The following CCDC102B variants were observed in gnomAD, a reference collection of about 807,000 sequenced individuals.
CCDC102B encodes the protein coiled-coil domain-containing protein 102B.
In CCDC102B, 75 loss-of-function variants were observed where a neutral mutation model predicts 57.4. The ratio of observed to expected loss-of-function variants is 1.31; its 90% CI spans 1.08 to 1.58. The LOEUF (loss-of-function observed/expected upper bound fraction) is 1.58. CCDC102B is among the 40% of genes most tolerant of loss of function. The pLI is 0.00. For missense variants in CCDC102B, 636 were observed against 582.6 expected, an observed-to-expected ratio of 1.09 and a Z score of -0.94; for synonymous variants, 206 against 201.9, an observed-to-expected ratio of 1.02 and a Z score of -0.17.
At position 68,954,364 on chromosome 18, in the gene CCDC102B, G is replaced by A. The variant is rs541750103; in HGVS notation, c.1264-56570G>A. On this transcript the variant is annotated intron_variant, in intron 6 of 7. Transcript: ENST00000360242. ...GAACCAGAGAGGCAGAGGTTGTAGT[G>A]AGCCGAGATCATGCCACTGCGCTCC... Among the ~76,000 whole-genome samples the A allele has an allele frequency of 1.9e-4, 29 of 152,284 alleles. No individual in the cohort carries two copies. In the South Asian group the frequency reaches 5.6e-3, roughly 29 times the overall value.
chr18:68,933,193 G>T (rs2041736637), intron 6 of CCDC102B, among the ~76,000 whole-genome samples: 1 of 151,812 alleles, frequency 6.6e-6, no homozygotes, highest in South Asian at 2.1e-4. Flanking sequence ...TTTGTTAGTG[G>T]AGAATTGGGT....
At position 68,836,950 on chromosome 18, in the gene CCDC102B, A is replaced by G; in HGVS notation, c.187A>G (p.Asn63Asp). The G allele has an allele frequency of 1.2e-6, 2 of 1,614,142 alleles. No individual in the cohort carries two copies. The highest frequency in any genetic ancestry group is 1.3e-5 in the African/African-American group (1 of 75,032). Residue 63 changes from asparagine (N) to aspartate (D), a missense_variant, in exon 2 of 8, where the codon AAC becomes GAC. By Grantham distance (23) the Asn-to-Asp change is conservative. Transcript: ENST00000360242. Reference protein sequence around the residue: ...AAHNFCAHSYNTNKWDICEEL... With the variant: ...AAHNFCAHSYDTNKWDICEEL... ...TCACAATTTCTGTGCTCACTCATAT[A>G]ACACCAACAAATGGGATATTTGTGA...
intron 6 of CCDC102B, among the ~76,000 whole-genome samples, chr18:68,975,904 A>G (rs1323116093): frequency 1.3e-5 from 2 of 151,734 alleles, no homozygotes; most frequent in African/African-American, 4.8e-5. Context: ...CATAGTCACA[A>G]TCAATATTTT....
At chr18:68,755,131 T>A (rs1342352599) in intron 2 of CCDC102B, 2 of 152,230 alleles carry the variant, frequency 1.3e-5, no homozygotes, top group African/African-American at 4.8e-5. Context: ...GTAACTTGCA[T>A]AGTTGGCATT....
chr18:68,723,701 T>C (rs988025053), intron 2 of CCDC102B, among the ~76,000 whole-genome samples: 4 of 152,324 alleles, frequency 2.6e-5, no homozygotes, highest in South Asian at 2.1e-4. Context: ...ACAGCTCCAC[T>C]CCTGTGGCTT....
chr18:68,930,663 G>C (rs1405123960), intron 6 of CCDC102B, among the ~76,000 whole-genome samples: 2 of 151,914 alleles, frequency 1.3e-5, no homozygotes, highest in Non-Finnish European at 2.9e-5. Context: ...TGGTCTACGT[G>C]CTATAACTGA....
At chr18:69,011,886 AT>A (rs1239046618) in intron 7 of CCDC102B, among the ~76,000 whole-genome samples, 2 of 152,040 alleles carry the variant, frequency 1.3e-5, no homozygotes, top group East Asian at 3.9e-4. Flanking sequence ...CAGCTGAATT[AT>A]TTTTCCATGG....
At chr18:68,749,925 C>G (rs759748440) in intron 2 of CCDC102B, among the ~76,000 whole-genome samples, 1 of 152,102 alleles carries the variant, frequency 6.6e-6, no homozygotes, top group South Asian at 2.1e-4. Context: ...CCAAAATTGA[C>G]AAGTGGGATC....
rs185829743 is a variant in CCDC102B at position 68,833,860 on chromosome 18, A to T, written c.-15-2889A>T. Reference sequence around the variant, plus strand: ...ATCATGGTGGCCTGATTGTATGAGCATTTTTACAATGCAAAAATCGGTACA... The same window carrying T: ...ATCATGGTGGCCTGATTGTATGAGCTTTTTTACAATGCAAAAATCGGTACA... On this transcript the variant is annotated intron_variant, in intron 1 of 7. Transcript: ENST00000360242. Among the ~76,000 whole-genome samples the T allele has an allele frequency of 4.1e-4, 62 of 152,260 alleles. No individual in the cohort carries two copies. In the East Asian group the frequency reaches 9.6e-3, roughly 24 times the overall value.
intron 7 of CCDC102B, among the ~76,000 whole-genome samples, chr18:69,041,023 G>T (rs2052420686): frequency 6.6e-6 from 1 of 152,002 alleles, no homozygotes; most frequent in Admixed American, 6.6e-5. Context: ...GAGAGAAGTA[G>T]GCTAGAGTGT....
At position 68,876,932 on chromosome 18, in the gene CCDC102B, A is replaced by G. The variant is rs17079832; in HGVS notation, c.1053+2147A>G. 9.8e-3 allele frequency among the ~76,000 whole-genome samples: 1,497 copies of G among 152,338 alleles called. 24 individuals are homozygous for G. The highest frequency in any genetic ancestry group is 0.034 in the African/African-American group (1,416 of 41,580). ...AGAATAAAACTGTTACTTATTCTGCATTTATAGAAATCTGATAAATAGAAA... is the reference window on the plus strand; with the variant it reads ...AGAATAAAACTGTTACTTATTCTGCGTTTATAGAAATCTGATAAATAGAAA... On this transcript the variant is annotated intron_variant, in intron 5 of 7. Coordinates refer to ENST00000360242, the MANE Select transcript of CCDC102B (RefSeq NM_024781.3).
chr18:68,756,804 A>G (rs2034066117), intron 2 of CCDC102B, among the ~76,000 whole-genome samples: 1 of 152,164 alleles, frequency 6.6e-6, no homozygotes. Flanking sequence ...TTTCTAGGCC[A>G]AGTTATGTGC....
At chr18:68,730,598 T>A (rs944519653) in intron 2 of CCDC102B, among the ~76,000 whole-genome samples, 1 of 152,224 alleles carries the variant, frequency 6.6e-6, no homozygotes, top group Non-Finnish European at 1.5e-5. Flanking sequence ...AGAACACTTA[T>A]GATCTGTTAT....
chr18:69,046,318 T>C (rs749717227), intron 7 of CCDC102B, among the ~76,000 whole-genome samples: 2 of 152,198 alleles, frequency 1.3e-5, no homozygotes, highest in Non-Finnish European at 2.9e-5. Flanking sequence ...TGGTATCTCA[T>C]TGTGGTTTTT....
At chr18:68,822,774 G>A (rs557414877) in intron 1 of CCDC102B, among the ~76,000 whole-genome samples, 21 of 152,124 alleles carry the variant, frequency 1.4e-4, no homozygotes, top group South Asian at 4.1e-4. Flanking sequence ...TATGGCCTCC[G>A]GCTCCATCCA....
chr18:68,829,572 A>G (rs1029790339), intron 1 of CCDC102B, among the ~76,000 whole-genome samples: 2 of 152,062 alleles, frequency 1.3e-5, no homozygotes, highest in African/African-American at 2.4e-5. Flanking sequence ...AGTCTGAGAA[A>G]ACTTTCCAGT....
At chr18:68,728,908 T>A (rs534061877) in intron 2 of CCDC102B, among the ~76,000 whole-genome samples, 1 of 152,078 alleles carries the variant, frequency 6.6e-6, no homozygotes, top group Non-Finnish European at 1.5e-5. Flanking sequence ...AAAATTGTTA[T>A]TAATCATGGA....
intron 2 of CCDC102B, among the ~76,000 whole-genome samples, chr18:68,740,836 T>C (rs753534478): frequency 1.3e-5 from 2 of 152,166 alleles, no homozygotes; most frequent in Non-Finnish European, 2.9e-5. Flanking sequence ...TTATGAAATA[T>C]TTAAGTATAT....
chr18:68,890,720 G>A (rs2040044718), intron 5 of CCDC102B, among the ~76,000 whole-genome samples: 1 of 152,008 alleles, frequency 6.6e-6, no homozygotes, highest in Admixed American at 6.5e-5. Flanking sequence ...TATTGTGTCG[G>A]CCTTGTTTTG....
Sources: allele counts gnomAD v4.1 joint callset (sites outside exome capture counted in the v4.1 genomes callset), GRCh38; gene constraint gnomAD v4.1.1; transcripts MANE v1.5; gene names NCBI Gene and HGNC (gene_info 2026-07-23, HGNC 2026-07-21).